Variants in PPP1R16B observed in about 807,000 individuals in gnomAD.
PPP1R16B encodes the protein protein phosphatase 1 regulatory subunit 16B, also known as protein phosphatase 1 regulatory inhibitor subunit 16B.
Under a neutral mutation model 61.7 loss-of-function variants are expected in PPP1R16B, and 14 were observed. The observed-to-expected ratio is 0.23, with a 90% CI of 0.15 to 0.35. The LOEUF is 0.35. PPP1R16B is among the 10% of genes least tolerant of loss of function. PPP1R16B has a pLI of 1.00. For missense variants in PPP1R16B, 547 were observed against 752.5 expected (o/e 0.73, Z 3.19); for synonymous variants, 266 against 305.3 (o/e 0.87, Z 1.34).
intron 10 of PPP1R16B, among the ~76,000 whole-genome samples, chr20:38,912,503 C>CCA (rs1358745743): frequency 1.1e-4 from 9 of 81,024 alleles, no homozygotes; most frequent in African/African-American, 4.0e-4. Context: ...TACCCCCCAC[C>CCA]AAAAAAAAAA....
At chr20:38,819,713 A>G (rs2084760809) in intron 1 of PPP1R16B, among the ~76,000 whole-genome samples, 1 of 152,068 alleles carries the variant, frequency 6.6e-6, no homozygotes, top group Admixed American at 6.5e-5. Context: ...AGCTTTTAAA[A>G]ACGTCAATTT....
intron 2 of PPP1R16B, among the ~76,000 whole-genome samples, chr20:38,851,956 C>T (rs1174121888): frequency 6.6e-6 from 1 of 152,054 alleles, no homozygotes; most frequent in African/African-American, 2.4e-5. Flanking sequence ...TTGCTTAAGC[C>T]CATGTGGGCA....
intron 5 of PPP1R16B, among the ~76,000 whole-genome samples, chr20:38,901,079 T>C (rs1316179226): frequency 6.6e-6 from 1 of 152,232 alleles, no homozygotes; most frequent in African/African-American, 2.4e-5. Context: ...CCACGCTGGC[T>C]GCCAGGGGCC....
At chr20:38,827,140 G>A (rs143028376) in intron 1 of PPP1R16B, among the ~76,000 whole-genome samples, 12 of 152,092 alleles carry the variant, frequency 7.9e-5, no homozygotes, top group African/African-American at 2.2e-4. Context: ...TTGTAGAGAC[G>A]GGGTCTTGCT....
At chr20:38,881,749 C>T (rs2085205055) in intron 2 of PPP1R16B, among the ~76,000 whole-genome samples, 2 of 152,212 alleles carry the variant, frequency 1.3e-5, no homozygotes, top group South Asian at 4.1e-4. Flanking sequence ...GGAACACTGA[C>T]CTTTATTGGC....
chr20:38,834,351 G>A (rs1432135612), intron 1 of PPP1R16B, among the ~76,000 whole-genome samples: 1 of 152,154 alleles, frequency 6.6e-6, no homozygotes, highest in Non-Finnish European at 1.5e-5. Context: ...CTTCTGGGAG[G>A]TGGATAGGAC....
chr20:38,901,355 A>AGGTT (rs2085392742), intron 5 of PPP1R16B, among the ~76,000 whole-genome samples: 2 of 152,196 alleles, frequency 1.3e-5, no homozygotes, highest in African/African-American at 4.8e-5. Context: ...TCTCCTGCAG[A>AGGTT]GGTTCTTAAC....
intron 1 of PPP1R16B, among the ~76,000 whole-genome samples, chr20:38,811,111 C>T (rs553045925): frequency 2.2e-4 from 34 of 152,152 alleles, no homozygotes; most frequent in Middle Eastern, 3.4e-3. Flanking sequence ...GGCATTCCTT[C>T]GCCCACAGAT....
intron 6 of PPP1R16B, among the ~76,000 whole-genome samples, chr20:38,905,170 A>T (rs369845375): frequency 6.6e-6 from 1 of 152,146 alleles, no homozygotes; most frequent in Non-Finnish European, 1.5e-5. Flanking sequence ...ATTGTCTCAC[A>T]TGGTTTCTTT....
intron 2 of PPP1R16B, among the ~76,000 whole-genome samples, chr20:38,875,972 T>A (rs2085163101): frequency 1.7e-5 from 2 of 115,182 alleles, no homozygotes; most frequent in Admixed American, 1.5e-4. Context: ...GTTTTGAACT[T>A]TTTTTTTTTT....
At chr20:38,816,119 G>C (rs559638152) in intron 1 of PPP1R16B, among the ~76,000 whole-genome samples, 4 of 152,172 alleles carry the variant, frequency 2.6e-5, no homozygotes, top group Admixed American at 6.5e-5. Flanking sequence ...TATCCTTAGT[G>C]GGGGCAGCAG....
At chr20:38,861,552 C>A (rs907433596) in intron 2 of PPP1R16B, among the ~76,000 whole-genome samples, 1 of 152,164 alleles carries the variant, frequency 6.6e-6, no homozygotes, top group Admixed American at 6.5e-5. Flanking sequence ...AGGACCCTGA[C>A]CTGTCCGTTT....
chr20:38,844,023 G>T (rs1047700606), intron 2 of PPP1R16B, among the ~76,000 whole-genome samples: 5 of 152,176 alleles, frequency 3.3e-5, no homozygotes, highest in Admixed American at 2.0e-4. Flanking sequence ...GTTTCTTAAA[G>T]GTTAGTTGCA....
intron 2 of PPP1R16B, among the ~76,000 whole-genome samples, chr20:38,860,158 G>C (rs1056954389): frequency 6.6e-6 from 1 of 152,244 alleles, no homozygotes; most frequent in Non-Finnish European, 1.5e-5. Context: ...AGTAGACATG[G>C]GGTTTCACCG....
At chr20:38,870,234 G>T (rs778597680) in intron 2 of PPP1R16B, among the ~76,000 whole-genome samples, 17 of 152,064 alleles carry the variant, frequency 1.1e-4, no homozygotes, top group Non-Finnish European at 1.8e-4. Flanking sequence ...AACCACGCCC[G>T]GCCTGCAGAG....
intron 2 of PPP1R16B, among the ~76,000 whole-genome samples, chr20:38,855,014 C>T (rs539964662): frequency 6.6e-6 from 1 of 152,192 alleles, no homozygotes; most frequent in South Asian, 2.1e-4. Context: ...TTTTTTGCAG[C>T]AATTTTCATT....
intron 1 of PPP1R16B, 74 bp from the exon 2 acceptor site, chr20:38,835,751 G>T (rs909196432): frequency 4.0e-6 from 3 of 757,240 alleles, no homozygotes; most frequent in African/African-American, 3.5e-5. Context: ...CGAACACGGG[G>T]CGTTGGGGGA....
chr20:38,906,107 C>T lies in PPP1R16B; in HGVS notation c.822+13C>T. 6.2e-7 allele frequency: 1 copy of T among 1,610,808 alleles called. No individual in the cohort carries two copies. Among genetic ancestry groups the T allele is most frequent in the Non-Finnish European group, 8.5e-7 (1 of 1,179,346 alleles). On this transcript the variant is annotated intron_variant, in intron 7 of 10. Transcript: ENST00000299824. ...CTTCTGGGGACAGGTAGTTCTCACCCACAGGGCTGTGGGGGAGGCCGGCAC... is the reference window on the plus strand; with the variant it reads ...CTTCTGGGGACAGGTAGTTCTCACCTACAGGGCTGTGGGGGAGGCCGGCAC...
chr20:38,824,538 T>A (rs1370512614), intron 1 of PPP1R16B, among the ~76,000 whole-genome samples: 1 of 152,240 alleles, frequency 6.6e-6, no homozygotes, highest in Non-Finnish European at 1.5e-5. Flanking sequence ...GGTTCAAATG[T>A]CAGTTCCATC....
Sources: allele counts gnomAD v4.1 joint callset (sites outside exome capture counted in the v4.1 genomes callset), GRCh38; gene constraint gnomAD v4.1.1; transcripts MANE v1.5; gene names NCBI Gene and HGNC (gene_info 2026-07-23, HGNC 2026-07-21).